Variants in ZNF775 observed in about 807,000 individuals in gnomAD.
ZNF775 encodes the protein zinc finger protein 775.
Under a neutral mutation model 2.4 loss-of-function variants are expected in ZNF775, and 1 was observed. The ratio of observed to expected loss-of-function variants is 0.41; its 90% confidence interval spans 0.15 to 1.94. ZNF775 has a LOEUF of 1.94. Ranked by LOEUF, ZNF775 falls within the 30% of genes most tolerant of loss-of-function variation. The pLI is 0.30. For missense variants in ZNF775, 823 were observed against 826.6 expected (o/e 1.00, Z 0.05); for synonymous variants, 381 against 373.3 (o/e 1.02, Z -0.24).
Position 150,384,307 on chromosome 7 carries a change from A to G in ZNF775, c.-49-4115A>G, listed in dbSNP as rs754170197. Among the ~76,000 whole-genome samples the G allele has an allele frequency of 5.9e-5, 9 of 152,084 alleles. No homozygotes were observed. Among genetic ancestry groups the G allele is most frequent in the Non-Finnish European group, 1.3e-4 (9 of 68,008 alleles). The stretch of plus-strand genomic sequence containing the variant: ...GACTTGGTGTGGGCACTGGTGGGAG[A>G]TGGCGCATCTGGCCCTTGATGCCTG... On this transcript the variant is annotated intron_variant, in intron 1 of 2. Coordinates refer to ENST00000329630, the MANE Select transcript of ZNF775 (RefSeq NM_173680.4). This position sits in a 1 kb window ranked among gnomAD's most constrained non-coding sequence, Gnocchi z 4.1.
chr7:150,391,418 G>A (rs2129621114), intron 2 of ZNF775, among the ~76,000 whole-genome samples: 1 of 152,240 alleles, frequency 6.6e-6, no homozygotes, highest in South Asian at 2.1e-4. Flanking sequence ...TGAGGCAGGA[G>A]AATCACTTGA....
intron 2 of ZNF775, among the ~76,000 whole-genome samples, chr7:150,389,910 TGTGTG>T (rs765520925): frequency 0.3 from 1,838 of 6,066 alleles, 76 homozygotes; most frequent in African/African-American, 0.37. Flanking sequence ...TGTGTGTGTG[TGTGTG>T]TGTGTTATGG....
chr7:150,391,411 G>A (rs1800556501), intron 2 of ZNF775, among the ~76,000 whole-genome samples: 1 of 152,144 alleles, frequency 6.6e-6, no homozygotes, highest in Non-Finnish European at 1.5e-5. Flanking sequence ...GGGAGGCTGA[G>A]GCAGGAGAAT....
intron 2 of ZNF775, among the ~76,000 whole-genome samples, chr7:150,396,025 G>A (rs1442209650): frequency 2.0e-5 from 3 of 152,194 alleles, no homozygotes; most frequent in Admixed American, 2.0e-4. Context: ...GACTGAGCAT[G>A]CCTTTGCTTA....
rs1164424752 is a variant in ZNF775 at position 150,382,303 on chromosome 7, A to G, written c.-50+2911A>G. On this transcript the variant is annotated intron_variant, in intron 1 of 2. Coordinates refer to ENST00000329630, the MANE Select transcript of ZNF775 (RefSeq NM_173680.4). This position sits in a 1 kb window ranked among gnomAD's most constrained non-coding sequence, Gnocchi z 4.6. ...AGATACTGCCCGATGCATCCGGCTC[A>G]GGCTTGCCGCCCTGTGGTGCTCCTC... 6.6e-6 allele frequency among the ~76,000 whole-genome samples: 1 copy of G among 152,148 alleles called. No homozygotes were observed. The highest frequency in any genetic ancestry group is 1.5e-5 in the Non-Finnish European group (1 of 68,000).
chr7:150,396,033 T>C (rs57508316), intron 2 of ZNF775, among the ~76,000 whole-genome samples: 2,948 of 152,246 alleles, frequency 0.019, 91 homozygotes, highest in African/African-American at 0.067. Flanking sequence ...ATGCCTTTGC[T>C]TAGAAAGCTT....
rs1358387738 is a variant in ZNF775 at position 150,396,936 on chromosome 7, G to A, written c.455G>A (p.Arg152His). 3.1e-6 allele frequency: 5 copies of A among 1,601,134 alleles called. No homozygotes were observed. The highest frequency in any genetic ancestry group is 2.2e-5 in the East Asian group (1 of 44,830). The change falls in exon 3 of 3, where the codon CGC becomes CAC. Residue 152 changes from arginine (R) to histidine (H), a missense_variant. Transcript: ENST00000329630. The part of the protein sequence containing the change: ...KSFSQKPNLA[R>H]HQRHHTGERP... ...TTCAGCCAGAAGCCGAACCTGGCGC[G>A]CCACCAGCGGCACCACACGGGCGAG... is the stretch of plus-strand genomic sequence containing the variant.
intron 2 of ZNF775, among the ~76,000 whole-genome samples, chr7:150,393,965 C>T (rs190603990): frequency 4.3e-4 from 65 of 152,340 alleles, no homozygotes; most frequent in African/African-American, 1.5e-3. Context: ...CCACTCTGCC[C>T]GGCCAATTCT....
intron 2 of ZNF775, among the ~76,000 whole-genome samples, chr7:150,395,030 T>TC (rs199806020): frequency 0.015 from 1,780 of 119,172 alleles, 39 homozygotes; most frequent in African/African-American, 0.05. Context: ...GTGGAAAAAG[T>TC]CCTCACTTGA....
Position 150,398,158 on chromosome 7 carries a change from TG to T in ZNF775, c.*68del, listed in dbSNP as rs910639858. On this transcript the variant is annotated 3_prime_UTR_variant, in exon 3 of 3. Transcript: ENST00000329630. ...ATGTTTGCGGGGTGTGTGTGGGGAG[TG>T]GGGGTGGCCAGGATTGCTGGCTCTT... 4.9e-5 allele frequency: 74 copies of T among 1,520,186 alleles called. No homozygotes were observed. In the Admixed American group the frequency reaches 5.8e-4, roughly 12 times the overall value. 94.2% of individuals were successfully genotyped at this position (1,520,186 alleles called of 1,614,324 possible).
At chr7:150,379,799 T>C (rs1800329197) in intron 1 of ZNF775, 2 of 152,382 alleles carry the variant, frequency 1.3e-5, no homozygotes, top group Non-Finnish European at 2.9e-5. Flanking sequence ...GATCAGTTTC[T>C]GGGGGCAGGA....
At position 150,382,787 on chromosome 7, in the gene ZNF775, C is replaced by G. The variant is rs775202333; in HGVS notation, c.-50+3395C>G. ...TCCCACCCCAGCGCAGGTCATCCAA[C>G]GGTGACTTATGGCCCCGGCCTCCTG... On this transcript the variant is annotated intron_variant, in intron 1 of 2. Transcript: ENST00000329630. This position sits in a 1 kb window ranked among gnomAD's most constrained non-coding sequence, Gnocchi z 4.6. The G allele has an allele frequency of 1.3e-5, 2 of 152,476 alleles. No individual in the cohort carries two copies. The highest frequency in any genetic ancestry group is 2.9e-5 in the Non-Finnish European group (2 of 68,200). The allele number at this position is 152,476 out of a possible 1,614,324, so 9.4% of individuals were successfully genotyped here. A position where few individuals can be genotyped will look rare whatever the true frequency, so the allele number is the denominator to read the frequency against.
At chr7:150,393,464 C>T (rs1800594435) in intron 2 of ZNF775, among the ~76,000 whole-genome samples, 1 of 152,132 alleles carries the variant, frequency 6.6e-6, no homozygotes, top group Non-Finnish European at 1.5e-5. Flanking sequence ...AGGTTTTCAG[C>T]TCTTTTGGGT....
chr7:150,397,912 C>G lies in ZNF775; in HGVS notation c.1431C>G (p.Pro477=). 6.2e-7 allele frequency: 1 copy of G among 1,601,424 alleles called. No individual in the cohort carries two copies. Among genetic ancestry groups the G allele is most frequent in the Non-Finnish European group, 8.5e-7 (1 of 1,178,418 alleles). Residue 477 remains proline, a synonymous_variant, in exon 3 of 3, where the codon CCC becomes CCG. Transcript: ENST00000329630. ...CGGGTGAGCGGCCCTACCCGTGCCC[C>G]GAGTGCGGCCGCCGCTTCAGCCAGA... ...IHTGERPYPC[P]ECGRRFSQKP... is the part of the protein sequence containing the mutation.
intron 1 of ZNF775, among the ~76,000 whole-genome samples, chr7:150,381,724 G>GA (rs1563255460): frequency 6.6e-6 from 1 of 152,160 alleles, no homozygotes; most frequent in Non-Finnish European, 1.5e-5. Context: ...GGGCCTCTCA[G>GA]CGGCTTTTTC....
chr7:150,382,314 C>T lies in ZNF775; in HGVS notation c.-50+2922C>T, dbSNP rs1419054573. On this transcript the variant is annotated intron_variant, in intron 1 of 2. Coordinates refer to ENST00000329630, the MANE Select transcript of ZNF775 (RefSeq NM_173680.4). The surrounding 1 kb of genome is among the most constrained non-coding windows in gnomAD (Gnocchi z 4.6). ...GATGCATCCGGCTCAGGCTTGCCGC[C>T]CTGTGGTGCTCCTCCCAAACTCAGG... Among the ~76,000 whole-genome samples the T allele has an allele frequency of 6.6e-6, 1 of 152,100 alleles. No individual in the cohort carries two copies. Among genetic ancestry groups the T allele is most frequent in the East Asian group, 1.9e-4 (1 of 5,180 alleles).
intron 1 of ZNF775, among the ~76,000 whole-genome samples, chr7:150,387,373 G>C (rs1800471438): frequency 6.6e-6 from 1 of 151,848 alleles, no homozygotes; most frequent in Non-Finnish European, 1.5e-5. Flanking sequence ...TGATAGAAGT[G>C]TGGGGGGCAA....
rs1350818443 is a variant in ZNF775, at chr7:150,384,911, C to A, written c.-49-3511C>A. 1.3e-5 allele frequency among the ~76,000 whole-genome samples: 2 copies of A among 152,144 alleles called. No homozygotes were observed. The highest frequency in any genetic ancestry group is 2.9e-5 in the Non-Finnish European group (2 of 68,016). On this transcript the variant is annotated intron_variant, in intron 1 of 2. Coordinates refer to ENST00000329630, the MANE Select transcript of ZNF775 (RefSeq NM_173680.4). This position sits in a 1 kb window ranked among gnomAD's most constrained non-coding sequence, Gnocchi z 4.1. Reference sequence around the variant, plus strand: ...TGTCTTTGATTTGCCTTGGGGGTCTCGCTCTGTGGAGACCCAGGCCCATCC... The same window carrying A: ...TGTCTTTGATTTGCCTTGGGGGTCTAGCTCTGTGGAGACCCAGGCCCATCC...
At chr7:150,386,875 C>T (rs12536391) in intron 1 of ZNF775, among the ~76,000 whole-genome samples, 58,756 of 151,972 alleles carry the variant, frequency 0.39, 11,989 homozygotes, top group East Asian at 0.47. Context: ...CTGAGCCCTG[C>T]GGATCCAGCA....
Sources: allele counts gnomAD v4.1 joint callset (sites outside exome capture counted in the v4.1 genomes callset), GRCh38; gene constraint gnomAD v4.1.1; non-coding constraint Gnocchi (gnomAD v3.1); transcripts MANE v1.5; gene names NCBI Gene and HGNC (gene_info 2026-07-23, HGNC 2026-07-21).